Variants in MMS22L observed in about 807,000 individuals in gnomAD.
MMS22L encodes the protein MMS22 like, DNA repair protein.
A neutral mutation model predicts 159.1 loss-of-function variants in MMS22L; 74 were observed. The observed-to-expected ratio is 0.47, with a 90% CI of 0.39 to 0.56. The LOEUF is 0.56. Among genes scored for constraint, MMS22L ranks in the 20% least tolerant of loss-of-function variants. The probability of loss-of-function intolerance (pLI) is 0.00; values close to 1 mark genes in which losing one functional copy is unlikely to be tolerated. For synonymous variants in MMS22L, 517 were observed against 506.9 expected (o/e 1.02, Z -0.27); for missense variants, 1,351 against 1,422.1 (o/e 0.95, Z 0.80).
rs1800842793 is a variant in MMS22L at position 97,144,993 on chromosome 6, T to G, written c.*1813A>C. The G allele has an allele frequency of 6.7e-6, 1 of 148,322 alleles. No individual in the cohort carries two copies. Among genetic ancestry groups the G allele is most frequent in the African/African-American group, 2.5e-5 (1 of 39,410 alleles). 9.2% of individuals were successfully genotyped at this position (148,322 alleles called of 1,614,324 possible). ...CTAAGGAGCAAGATTCTCAAAGGTA[T>G]CTTTATCAATCTCCTTTGGAAAAAA... On this transcript the variant is annotated 3_prime_UTR_variant, in exon 25 of 25. Coordinates refer to ENST00000683635, the MANE Select transcript of MMS22L (RefSeq NM_001350599.2).
intron 4 of MMS22L, among the ~76,000 whole-genome samples, chr6:97,277,202 CAGG>C (rs1482930076): frequency 6.6e-6 from 1 of 152,066 alleles, no homozygotes; most frequent in East Asian, 1.9e-4. Flanking sequence ...ATCACAAGGT[CAGG>C]AGTTCGACAC....
At chr6:97,206,733 C>T (rs1187540437) in intron 14 of MMS22L, among the ~76,000 whole-genome samples, 1 of 151,960 alleles carries the variant, frequency 6.6e-6, no homozygotes, top group African/African-American at 2.4e-5. Context: ...TTTTCAATAC[C>T]ATCTAAACAT....
chr6:97,249,017 C>T (rs1422478857), intron 10 of MMS22L, among the ~76,000 whole-genome samples: 1 of 139,862 alleles, frequency 7.1e-6, no homozygotes, highest in Non-Finnish European at 1.5e-5. Flanking sequence ...GACACACCCA[C>T]ATAGTCTTAG....
intron 20 of MMS22L, among the ~76,000 whole-genome samples, chr6:97,167,790 CAT>C (rs1156320889): frequency 1.3e-5 from 2 of 151,614 alleles, no homozygotes; most frequent in African/African-American, 2.4e-5. Context: ...TCTCCTCACC[CAT>C]AGTCTAATAG....
chr6:97,276,730 C>T (rs7740726), intron 4 of MMS22L, among the ~76,000 whole-genome samples: 5 of 152,162 alleles, frequency 3.3e-5, no homozygotes, highest in Admixed American at 3.3e-4. Flanking sequence ...AATCTTTTGC[C>T]TAGCTAATTT....
chr6:97,229,293 A>C lies in MMS22L; in HGVS notation c.1640T>G (p.Val547Gly), dbSNP rs113959628. 8.1e-6 allele frequency: 13 copies of C among 1,614,166 alleles called. No homozygotes were observed. Among genetic ancestry groups the C allele is most frequent in the Non-Finnish European group, 1.0e-5 (12 of 1,180,016 alleles). ...CAGGAGGTCTAAAACATGACTTGCA[A>C]CATCTTCTACCTCTGCAACAGCTGC... The part of the protein sequence containing the change: ...LLAAVAEVED[V>G]ASHVLDLLNF... Residue 547 changes from valine (V) to glycine (G), a missense_variant, in exon 14 of 25, where the codon GTT becomes GGT. Val to Gly is a moderately radical substitution (Grantham distance 109). Transcript: ENST00000683635.
At chr6:97,245,943 T>C (rs1812594477) in intron 11 of MMS22L, 6 of 253,428 alleles carry the variant, frequency 2.4e-5, no homozygotes, top group Non-Finnish European at 4.7e-5. Context: ...AAGTTTTAAA[T>C]AATCTTTATT....
At chr6:97,147,677 C>A (rs1800981716) in intron 24 of MMS22L, among the ~76,000 whole-genome samples, 1 of 152,174 alleles carries the variant, frequency 6.6e-6, no homozygotes, top group African/African-American at 2.4e-5. Context: ...AACACCATTT[C>A]TTCAAGCTAC....
intron 11 of MMS22L, among the ~76,000 whole-genome samples, chr6:97,236,678 A>C (rs1049678198): frequency 6.6e-6 from 1 of 152,148 alleles, no homozygotes; most frequent in African/African-American, 2.4e-5. Flanking sequence ...AAGGCCGGGC[A>C]CGGTGGCTCA....
intron 14 of MMS22L, among the ~76,000 whole-genome samples, chr6:97,228,655 T>C (rs779599092): frequency 4.6e-5 from 7 of 152,206 alleles, no homozygotes; most frequent in Non-Finnish European, 8.8e-5. Context: ...TTCCAAAATC[T>C]AAACAAATCC....
chr6:97,283,235 C>T (rs763836793), upstream of MMS22L: 4 of 152,274 alleles, frequency 2.6e-5, no homozygotes, highest in Non-Finnish European at 5.9e-5. Flanking sequence ...ACGGCGCAGC[C>T]CTCCCCCGGC....
chr6:97,167,987 A>T, intron 20 of MMS22L, 84 bp downstream of exon 20: 1 of 1,154,316 alleles, frequency 8.7e-7, no homozygotes, highest in Non-Finnish European at 1.2e-6. Context: ...TACAGTTTTT[A>T]AATCTGCATT....
chr6:97,263,385 C>T lies in MMS22L; in HGVS notation c.892G>A (p.Val298Ile), dbSNP rs762406716. 2.5e-6 allele frequency: 4 copies of T among 1,592,704 alleles called. No homozygotes were observed. The highest frequency in any genetic ancestry group is 3.4e-6 in the Non-Finnish European group (4 of 1,173,180). The change falls in exon 9 of 25, where the codon GTT becomes ATT. Residue 298 changes from valine to isoleucine, a missense_variant. Physicochemically the swap from Val to Ile is conservative, Grantham distance 29. Coordinates refer to ENST00000683635, the MANE Select transcript of MMS22L (RefSeq NM_001350599.2). Reference sequence around the variant, plus strand: ...TGGTCTAGAAGATGAATAAGTAGAACCCATAATTCTTTAATGCATAAACAT... The same window carrying T: ...TGGTCTAGAAGATGAATAAGTAGAATCCATAATTCTTTAATGCATAAACAT... ...CPCLCIKELW[V>I]LLIHLLDHRS...
chr6:97,193,972 A>G (rs1806184634), intron 14 of MMS22L, among the ~76,000 whole-genome samples: 1 of 152,070 alleles, frequency 6.6e-6, no homozygotes, highest in South Asian at 2.1e-4. Flanking sequence ...CGTGTTAGCC[A>G]GGATGGTCTC....
intron 11 of MMS22L, among the ~76,000 whole-genome samples, chr6:97,245,285 T>C (rs904896360): frequency 2.0e-5 from 3 of 151,994 alleles, no homozygotes; most frequent in African/African-American, 7.2e-5. Context: ...GAGAAAGCAA[T>C]TTAAAGAACA....
chr6:97,267,175 C>T (rs1562523557), intron 8 of MMS22L: 1 of 152,008 alleles, frequency 6.6e-6, no homozygotes, highest in Admixed American at 6.6e-5. Context: ...AATACACATA[C>T]ACACTAAATT....
intron 14 of MMS22L, among the ~76,000 whole-genome samples, chr6:97,214,211 C>T (rs1160301911): frequency 1.3e-5 from 2 of 152,116 alleles, no homozygotes; most frequent in Admixed American, 6.5e-5. Context: ...TTGTACAATA[C>T]CCAAGAGCCC....
chr6:97,283,999 T>A (rs1817013715), upstream of MMS22L, among the ~76,000 whole-genome samples: 1 of 152,070 alleles, frequency 6.6e-6, no homozygotes, highest in Non-Finnish European at 1.5e-5. Context: ...TAAATTAAAA[T>A]GAAAACACTA....
At position 97,263,393 on chromosome 6, in the gene MMS22L, T is replaced by C. The variant is rs1814707613; in HGVS notation, c.884A>G (p.Glu295Gly). 1 of 1,593,978 alleles carries C rather than the reference T, an allele frequency of 6.3e-7. No individual in the cohort carries two copies. Among genetic ancestry groups the C allele is most frequent in the Admixed American group, 1.8e-5 (1 of 54,184 alleles). The part of the protein sequence containing the change: ...SDQCPCLCIK[E>G]LWVLLIHLLD... The stretch of plus-strand genomic sequence containing the variant: ...AAGATGAATAAGTAGAACCCATAAT[T>C]CTTTAATGCATAAACATGGACACTG... The change falls in exon 9 of 25, where the codon GAA (glutamate) becomes GGA (glycine). Residue 295 changes from glutamate to glycine, a missense_variant. Coordinates refer to ENST00000683635, the MANE Select transcript of MMS22L (RefSeq NM_001350599.2).
Sources: gnomAD v4.1 joint callset for allele counts (sites outside exome capture counted in the v4.1 genomes callset) on GRCh38, gnomAD v4.1.1 for gene constraint, MANE v1.5 for transcripts, NCBI Gene and HGNC (gene_info 2026-07-23, HGNC 2026-07-21) for gene names.